SNX29: variants seen among roughly 807,000 people sequenced by gnomAD.
SNX29 encodes the protein sorting nexin-29.
SNX29 carries 78 observed loss-of-function variants against 102.1 expected under a neutral mutation model. That is an observed-to-expected ratio of 0.76 (90% confidence interval 0.64 to 0.92). The LOEUF (loss-of-function observed/expected upper bound fraction) is 0.92, where lower values mean the gene tolerates loss of function less well. Ranked by LOEUF, SNX29 falls within the 40% of genes least tolerant of loss-of-function variation. The pLI is 0.00. For synonymous variants in SNX29, 580 were observed against 414.5 expected (o/e 1.40, Z -4.85); for missense variants, 1,280 against 1,061.7 (o/e 1.21, Z -2.86).
At chr16:12,048,851 C>T (rs3960977) in intron 7 of SNX29, among the ~76,000 whole-genome samples, 1 of 152,088 alleles carries the variant, frequency 6.6e-6, no homozygotes, top group Non-Finnish European at 1.5e-5. Flanking sequence ...CCATAGCAAA[C>T]GGAAAGTGAG....
chr16:12,321,704 C>T (rs928324932), intron 15 of SNX29, among the ~76,000 whole-genome samples: 1 of 152,170 alleles, frequency 6.6e-6, no homozygotes, highest in Non-Finnish European at 1.5e-5. Context: ...TGTGGATACC[C>T]AGGTCTTATG....
intron 13 of SNX29, among the ~76,000 whole-genome samples, chr16:12,133,092 G>A (rs765684041): frequency 1.6e-4 from 25 of 152,052 alleles, no homozygotes; most frequent in Admixed American, 2.0e-4. Flanking sequence ...TCATTGCGCC[G>A]GCGCCATGCT....
intron 13 of SNX29, among the ~76,000 whole-genome samples, chr16:12,151,705 C>T (rs1021133484): frequency 3.9e-5 from 6 of 152,138 alleles, no homozygotes; most frequent in African/African-American, 1.4e-4. Flanking sequence ...ACAACCTACT[C>T]TTCTACATTT....
At chr16:12,239,990 G>T (rs545766933) in intron 14 of SNX29, among the ~76,000 whole-genome samples, 1 of 152,198 alleles carries the variant, frequency 6.6e-6, no homozygotes, top group African/African-American at 2.4e-5. Flanking sequence ...TAGAGTGTCT[G>T]TGTAAAACAC....
chr16:12,285,172 A>G (rs530082144), intron 15 of SNX29, among the ~76,000 whole-genome samples: 3 of 152,340 alleles, frequency 2.0e-5, no homozygotes, highest in African/African-American at 7.2e-5. Flanking sequence ...TGTAATCAGT[A>G]GATGCCGTTT....
chr16:12,289,878 A>G (rs2079733999), intron 15 of SNX29, among the ~76,000 whole-genome samples: 1 of 152,136 alleles, frequency 6.6e-6, no homozygotes, highest in African/African-American at 2.4e-5. Context: ...AGTCCTGTCA[A>G]GGTTGGGCTC....
chr16:12,309,395 T>C (rs2080456606), intron 15 of SNX29, among the ~76,000 whole-genome samples: 1 of 152,202 alleles, frequency 6.6e-6, no homozygotes, highest in South Asian at 2.1e-4. Context: ...CTCAGTTATT[T>C]ATCCCTCTGG....
intron 13 of SNX29, among the ~76,000 whole-genome samples, chr16:12,188,013 G>C (rs1414490400): frequency 1.3e-5 from 2 of 152,148 alleles, no homozygotes; most frequent in Non-Finnish European, 2.9e-5. Context: ...TTTGATGCCT[G>C]ACCTTGAAAT....
At chr16:12,557,419 T>C (rs1274093481) in intron 20 of SNX29, 1 of 152,166 alleles carries the variant, frequency 6.6e-6, no homozygotes, top group Non-Finnish European at 1.5e-5. Context: ...AGACTGAGTT[T>C]GGCATGATGT....
At chr16:12,359,862 C>T (rs774180424) in intron 16 of SNX29, among the ~76,000 whole-genome samples, 5 of 152,132 alleles carry the variant, frequency 3.3e-5, no homozygotes, top group East Asian at 1.9e-4. Flanking sequence ...CATGCTGTAT[C>T]GCCCAGGCTG....
chr16:12,057,849 G>A (rs2050583865), intron 8 of SNX29, among the ~76,000 whole-genome samples: 2 of 147,270 alleles, frequency 1.4e-5, no homozygotes, highest in Admixed American at 6.8e-5. Flanking sequence ...CTGGGTTCTC[G>A]CTCTGTCACT....
At chr16:12,038,504 A>G (rs1380726298) in intron 4 of SNX29, among the ~76,000 whole-genome samples, 1 of 152,118 alleles carries the variant, frequency 6.6e-6, no homozygotes, top group African/African-American at 2.4e-5. Flanking sequence ...ACTTAACCCC[A>G]TGTTTCAAAG....
chr16:12,567,757 T>G (rs1376699558), intron 20 of SNX29, among the ~76,000 whole-genome samples: 1 of 151,870 alleles, frequency 6.6e-6, no homozygotes, highest in Admixed American at 6.6e-5. Flanking sequence ...GTCGAGACTG[T>G]CTCCAGAAAA....
chr16:12,494,596 G>A (rs1238717044), intron 19 of SNX29, among the ~76,000 whole-genome samples: 1 of 152,180 alleles, frequency 6.6e-6, no homozygotes, highest in East Asian at 1.9e-4. Context: ...ACTTGCTGAG[G>A]AGCCCATCTT....
At chr16:12,516,354 C>G (rs948155822) in intron 19 of SNX29, among the ~76,000 whole-genome samples, 2 of 151,988 alleles carry the variant, frequency 1.3e-5, no homozygotes, top group African/African-American at 4.8e-5. Context: ...GTGGTGTGCA[C>G]CTGTAGTCCC....
intron 13 of SNX29, among the ~76,000 whole-genome samples, chr16:12,157,580 A>T (rs7197299): frequency 7.2e-5 from 11 of 151,984 alleles, no homozygotes; most frequent in African/African-American, 2.7e-4. Context: ...CTTTACATTG[A>T]CACGATTGGA....
At position 12,549,530 on chromosome 16, in the gene SNX29, C is replaced by CATATAGCCAT. The variant is rs57031725; in HGVS notation, c.2319-18975_2319-18974insTATAGCCATA. Reference sequence around the variant, plus strand: ...TCATGCCATTTTTCATCCTCTATCTCAAATAGCCAGTAAGGCATGGAGTGG... The same window carrying CATATAGCCAT: ...TCATGCCATTTTTCATCCTCTATCTCATATAGCCATAAATAGCCAGTAAGGCATGGAGTGG... On this transcript the variant is annotated intron_variant, in intron 20 of 20. Transcript: ENST00000566228. 9.2e-3 allele frequency among the ~76,000 whole-genome samples: 1,390 copies of CATATAGCCAT among 151,848 alleles called. 22 individuals carry two copies. Among genetic ancestry groups the CATATAGCCAT allele is most frequent in the African/African-American group, 0.032 (1,329 of 41,374 alleles).
At chr16:12,456,610 G>A (rs934501379) in intron 18 of SNX29, among the ~76,000 whole-genome samples, 2 of 152,046 alleles carry the variant, frequency 1.3e-5, no homozygotes, top group East Asian at 1.9e-4. Flanking sequence ...GGTAGTGTGT[G>A]CATGGATGAG....
chr16:12,182,761 C>T (rs888945502), intron 13 of SNX29, among the ~76,000 whole-genome samples: 15 of 151,808 alleles, frequency 9.9e-5, no homozygotes, highest in African/African-American at 3.6e-4. Context: ...GAAACCCCAT[C>T]TCTACTAGAA....
Sources: allele counts gnomAD v4.1 joint callset (sites outside exome capture counted in the v4.1 genomes callset), GRCh38; gene constraint gnomAD v4.1.1; transcripts MANE v1.5; gene names NCBI Gene and HGNC (gene_info 2026-07-23, HGNC 2026-07-21).